ATRNL1: variants seen among roughly 807,000 people sequenced by gnomAD.
ATRNL1 encodes attractin-like protein 1.
Under a neutral mutation model 182.7 loss-of-function variants are expected in ATRNL1, and 95 were observed. That is an observed-to-expected ratio of 0.52 (90% CI 0.44 to 0.62). The LOEUF is 0.62. Ranked by LOEUF, ATRNL1 falls within the 20% of genes least tolerant of loss-of-function variation. The pLI is 0.00. For synonymous variants in ATRNL1, 576 were observed against 568.3 expected (o/e 1.01, Z -0.19); for missense variants, 1,471 against 1,679.5 (o/e 0.88, Z 2.17).
chr10:115,481,446 T>C (rs1395827927), intron 24 of ATRNL1, among the ~76,000 whole-genome samples: 1 of 150,820 alleles, frequency 6.6e-6, no homozygotes, highest in African/African-American at 2.4e-5. Context: ...TAGGCATTAT[T>C]CAAGGTATTG....
chr10:115,101,100 C>T (rs1178174113), intron 1 of ATRNL1, among the ~76,000 whole-genome samples: 2 of 151,994 alleles, frequency 1.3e-5, no homozygotes, highest in African/African-American at 4.8e-5. Flanking sequence ...TTACTTATTA[C>T]TTGTGGTAGA....
At chr10:115,536,225 A>G (rs1205896025) in intron 25 of ATRNL1, among the ~76,000 whole-genome samples, 2 of 152,154 alleles carry the variant, frequency 1.3e-5, no homozygotes, top group African/African-American at 4.8e-5. Context: ...TGGAGCCTAC[A>G]GAGACAGGCA....
chr10:115,113,611 C>T (rs1266985568), intron 1 of ATRNL1, among the ~76,000 whole-genome samples: 2 of 152,150 alleles, frequency 1.3e-5, no homozygotes, highest in African/African-American at 2.4e-5. Flanking sequence ...TGCACAAGCT[C>T]TCTCTGCCTG....
At chr10:115,569,111 C>G (rs2133857585) in intron 26 of ATRNL1, among the ~76,000 whole-genome samples, 1 of 151,894 alleles carries the variant, frequency 6.6e-6, no homozygotes, top group South Asian at 2.1e-4. Flanking sequence ...TGTGAAAAAC[C>G]TCATCTGTTA....
intron 27 of ATRNL1, among the ~76,000 whole-genome samples, chr10:115,803,417 A>C (rs1949844670): frequency 1.1e-4 from 17 of 152,196 alleles, no homozygotes; most frequent in Admixed American, 1.1e-3. Flanking sequence ...CTACATTTTT[A>C]AATAGACTAC....
chr10:115,649,034 T>C (rs548153964), intron 26 of ATRNL1, among the ~76,000 whole-genome samples: 1 of 152,260 alleles, frequency 6.6e-6, no homozygotes, highest in Admixed American at 6.5e-5. Flanking sequence ...CATCCATAAA[T>C]CAAGGAGGTT....
In ATRNL1 at chr10:115,733,363, G is replaced by C. The variant is rs543261569; in HGVS notation, c.3903+6008G>C. On this transcript the variant is annotated intron_variant, in intron 27 of 28. Transcript: ENST00000355044. The stretch of plus-strand genomic sequence containing the variant: ...AAAGTGGAGTTTTCAAAAAGACACT[G>C]GACATGTAAGAAGCATACGGTAACC... Among the ~76,000 whole-genome samples, 34 of 152,236 alleles carry C rather than the reference G, an allele frequency of 2.2e-4. 1 individual carries two copies. In the South Asian group the frequency reaches 6.8e-3, roughly 31 times the overall value.
chr10:115,773,440 A>C (rs1213320440), intron 27 of ATRNL1, among the ~76,000 whole-genome samples: 1 of 152,154 alleles, frequency 6.6e-6, no homozygotes. Flanking sequence ...AAAGATTACT[A>C]TATAGCTTAT....
At chr10:115,570,494 A>C (rs1039129434) in intron 26 of ATRNL1, among the ~76,000 whole-genome samples, 2 of 152,210 alleles carry the variant, frequency 1.3e-5, no homozygotes, top group African/African-American at 4.8e-5. Context: ...TTTGAGTCAT[A>C]GGTAGAAAGA....
At chr10:115,310,580 A>G (rs960703777) in intron 17 of ATRNL1, among the ~76,000 whole-genome samples, 1 of 152,060 alleles carries the variant, frequency 6.6e-6, no homozygotes, top group Admixed American at 6.6e-5. Flanking sequence ...TGTTTCCAGG[A>G]ATTTTTCCAT....
At chr10:115,441,075 A>G (rs959595880) in intron 21 of ATRNL1, among the ~76,000 whole-genome samples, 25 of 151,866 alleles carry the variant, frequency 1.6e-4, no homozygotes, top group Admixed American at 1.1e-3. Flanking sequence ...TCGAGGAAAG[A>G]ATAACTCTGT....
chr10:115,440,557 T>A (rs1846620578), intron 21 of ATRNL1, among the ~76,000 whole-genome samples: 1 of 151,910 alleles, frequency 6.6e-6, no homozygotes, highest in South Asian at 2.1e-4. Flanking sequence ...CCCTACTTGT[T>A]TTCTCATTTT....
At chr10:115,238,932 A>G (rs1850295356) in intron 9 of ATRNL1, among the ~76,000 whole-genome samples, 1 of 152,130 alleles carries the variant, frequency 6.6e-6, no homozygotes, top group African/African-American at 2.4e-5. Flanking sequence ...AGTTTTTATC[A>G]TGACTGAATG....
At chr10:115,213,695 T>C (rs571885701) in intron 8 of ATRNL1, among the ~76,000 whole-genome samples, 26 of 152,286 alleles carry the variant, frequency 1.7e-4, no homozygotes, top group African/African-American at 6.0e-4. Flanking sequence ...TGATGTGTTA[T>C]TCAATTTTTC....
At chr10:115,604,485 T>C (rs945616995) in intron 26 of ATRNL1, among the ~76,000 whole-genome samples, 1 of 152,168 alleles carries the variant, frequency 6.6e-6, no homozygotes, top group Non-Finnish European at 1.5e-5. Context: ...CACCAGTTTT[T>C]GGTAACCCTT....
intron 18 of ATRNL1, among the ~76,000 whole-genome samples, chr10:115,318,721 TG>T (rs1358421422): frequency 1.3e-5 from 2 of 152,174 alleles, no homozygotes; most frequent in Non-Finnish European, 2.9e-5. Context: ...TATATTTCTG[TG>T]GGGTCAGTGG....
intron 19 of ATRNL1, among the ~76,000 whole-genome samples, chr10:115,364,823 T>A (rs1443880225): frequency 6.6e-6 from 1 of 150,902 alleles, no homozygotes; most frequent in African/African-American, 2.4e-5. Flanking sequence ...GGATTACATT[T>A]ATTGATTTGC....
intron 28 of ATRNL1, among the ~76,000 whole-genome samples, chr10:115,879,157 A>C (rs1555107905): frequency 6.6e-6 from 1 of 152,086 alleles, no homozygotes; most frequent in African/African-American, 2.4e-5. Flanking sequence ...CATTTAAAAA[A>C]ATAGCTGGGC....
intron 26 of ATRNL1, among the ~76,000 whole-genome samples, chr10:115,677,060 C>T (rs1945885835): frequency 6.6e-6 from 1 of 151,966 alleles, no homozygotes; most frequent in African/African-American, 2.4e-5. Context: ...TTTCTGAGTA[C>T]CCAGCATAAT....
Sources: gnomAD v4.1 joint callset for allele counts (sites outside exome capture counted in the v4.1 genomes callset) on GRCh38, gnomAD v4.1.1 for gene constraint, MANE v1.5 for transcripts, NCBI Gene and HGNC (gene_info 2026-07-23, HGNC 2026-07-21) for gene names.